HECTD4: variants seen among roughly 807,000 people sequenced by gnomAD.
HECTD4 encodes HECT domain E3 ubiquitin protein ligase 4, also known as probable E3 ubiquitin-protein ligase HECTD4.
Under a neutral mutation model 471.5 loss-of-function variants are expected in HECTD4, and 114 were observed. That is an observed-to-expected ratio of 0.24 (90% CI 0.21 to 0.28). The LOEUF (loss-of-function observed/expected upper bound fraction) is 0.28, where lower values mean the gene tolerates loss of function less well. HECTD4 is among the 10% of genes least tolerant of loss of function. The probability of loss-of-function intolerance (pLI) is 1.00; values close to 1 mark genes in which losing one functional copy is unlikely to be tolerated. For missense variants in HECTD4, 3,866 were observed against 5,651.5 expected (o/e 0.68, Z 10.13); for synonymous variants, 2,012 against 2,256.0 (o/e 0.89, Z 3.07).
At chr12:112,176,265 C>T (rs968356697) in intron 65 of HECTD4, among the ~76,000 whole-genome samples, 39 of 152,264 alleles carry the variant, frequency 2.6e-4, no homozygotes, top group African/African-American at 9.2e-4. Flanking sequence ...TAGAACAAAG[C>T]GTCCATGCAG....
chr12:112,367,837 A>C lies in HECTD4; in HGVS notation c.177+14115T>G, dbSNP rs948083471. The stretch of plus-strand genomic sequence containing the variant: ...CTCCATCTCAAAAAAAAAAAAAAAA[A>C]AAAAAAAAAAACGCTAACACGTCAT... On this transcript the variant is annotated intron_variant, in intron 1 of 75. Coordinates refer to ENST00000682272, the MANE Select transcript of HECTD4 (RefSeq NM_001388303.1). 2.1e-4 allele frequency among the ~76,000 whole-genome samples: 32 copies of C among 149,880 alleles called. 1 individual carries two copies. The highest frequency in any genetic ancestry group is 4.0e-4 in the Admixed American group (6 of 15,026).
At chr12:112,255,797 G>C (rs1277316196) in intron 21 of HECTD4, among the ~76,000 whole-genome samples, 1 of 151,980 alleles carries the variant, frequency 6.6e-6, no homozygotes, top group East Asian at 1.9e-4. Flanking sequence ...GCTTCCTTTC[G>C]TTCATAACTG....
chr12:112,251,208 C>T lies in HECTD4; in HGVS notation c.3553-74G>A, dbSNP rs1342326300. 2.1e-6 allele frequency: 3 copies of T among 1,435,582 alleles called. No individual in the cohort carries two copies. In the East Asian group the frequency reaches 6.8e-5, roughly 33 times the overall value. 88.9% of individuals were successfully genotyped at this position (1,435,582 alleles called of 1,614,324 possible). ...AGGCTGCTACCTGTGCTGCCCCACA[C>T]TGCACTGTCCCCAACCACAGGGTTC... On this transcript the variant is annotated intron_variant, in intron 23 of 75. Coordinates refer to ENST00000682272, the MANE Select transcript of HECTD4 (RefSeq NM_001388303.1).
intron 68 of HECTD4, 47 bp from the exon 69 acceptor site, chr12:112,170,499 C>T (rs1343609495): frequency 1.3e-6 from 2 of 1,598,382 alleles, no homozygotes; most frequent in Non-Finnish European, 1.7e-6. Context: ...TTTGTCCCTT[C>T]CTTCCCAGTC....
chr12:112,242,588 T>A (rs2033664286), intron 32 of HECTD4, among the ~76,000 whole-genome samples: 1 of 148,642 alleles, frequency 6.7e-6, no homozygotes, highest in East Asian at 2.0e-4. Context: ...CATGCCAGCC[T>A]GGGTGACAGA....
chr12:112,366,255 C>A (rs751881110), intron 1 of HECTD4, among the ~76,000 whole-genome samples: 1 of 152,116 alleles, frequency 6.6e-6, no homozygotes, highest in African/African-American at 2.4e-5. Context: ...CACATCTAAT[C>A]CCAGCACTTT....
intron 18 of HECTD4, among the ~76,000 whole-genome samples, chr12:112,260,668 C>A (rs2034125096): frequency 6.6e-6 from 1 of 151,912 alleles, no homozygotes; most frequent in African/African-American, 2.4e-5. Context: ...GCTCCGCCTC[C>A]CAGGTTCAGG....
chr12:112,245,853 C>T (rs1232341505), intron 29 of HECTD4, among the ~76,000 whole-genome samples: 5 of 152,084 alleles, frequency 3.3e-5, no homozygotes, highest in African/African-American at 7.2e-5. Context: ...TGACCTAGGC[C>T]GGGCGTGGTG....
At position 112,194,792 on chromosome 12, in the gene HECTD4, C is replaced by T; in HGVS notation, c.8749+93G>A. On this transcript the variant is annotated intron_variant, in intron 56 of 75. Transcript: ENST00000682272. The surrounding 1 kb of genome is among the most constrained non-coding windows in gnomAD (Gnocchi z 4.6). ...ACGTGAGCCTATGCGCACCATGAGGCATTTCTCGCCCTCATGCAGGGAATG... is the reference window on the plus strand; with the variant it reads ...ACGTGAGCCTATGCGCACCATGAGGTATTTCTCGCCCTCATGCAGGGAATG... 8.7e-7 allele frequency: 1 copy of T among 1,155,082 alleles called. No homozygotes were observed. 71.6% of individuals were successfully genotyped at this position (1,155,082 alleles called of 1,614,324 possible).
chr12:112,205,305 G>A (rs949594373), intron 52 of HECTD4, among the ~76,000 whole-genome samples: 1 of 151,750 alleles, frequency 6.6e-6, no homozygotes, highest in Non-Finnish European at 1.5e-5. Context: ...ATGGTAGCAG[G>A]TGCCTGTAAT....
intron 7 of HECTD4, among the ~76,000 whole-genome samples, chr12:112,291,389 T>C (rs1431793267): frequency 6.6e-6 from 1 of 152,190 alleles, no homozygotes; most frequent in Non-Finnish European, 1.5e-5. Context: ...GCAATAATTC[T>C]TGACATCATC....
rs911208217 is a variant in HECTD4 at position 112,173,027 on chromosome 12, G to C, written c.11595-166C>G. Among the ~76,000 whole-genome samples the C allele has an allele frequency of 6.6e-6, 1 of 152,164 alleles. No individual in the cohort carries two copies. Among genetic ancestry groups the C allele is most frequent in the Non-Finnish European group, 1.5e-5 (1 of 68,030 alleles). Reference sequence around the variant, plus strand: ...GCCTGGACAGCTCCTCATGGGGAAAGCTCTTTCAAAAGAAGCAAGCCAAGC... The same window carrying C: ...GCCTGGACAGCTCCTCATGGGGAAACCTCTTTCAAAAGAAGCAAGCCAAGC... On this transcript the variant is annotated intron_variant, in intron 66 of 75. Coordinates refer to ENST00000682272, the MANE Select transcript of HECTD4 (RefSeq NM_001388303.1). This position sits in a 1 kb window ranked among gnomAD's most constrained non-coding sequence, Gnocchi z 4.3.
chr12:112,256,474 T>G lies in HECTD4; in HGVS notation c.3173A>C (p.Lys1058Thr), dbSNP rs1440473625. Reference protein sequence around the residue: ...KEEPGFLTGLKIPAPWAAGKT... With the variant: ...KEEPGFLTGLTIPAPWAAGKT... ...TCCAGCAGCCCATGGGGCAGGAATC[T>G]TTAAACCAGTGAGAAATCCTGGCTC... The change falls in exon 21 of 76, where the codon AAG (lysine) becomes ACG (threonine). Residue 1058 changes from lysine to threonine, a missense_variant. This residue lies in a region of HECTD4 where 525 missense variants were observed against 672.6 expected (regional missense o/e 0.78). Transcript: ENST00000682272. 2 of 1,603,614 alleles carry G rather than the reference T, an allele frequency of 1.2e-6. No homozygotes were observed. The highest frequency in any genetic ancestry group is 1.7e-6 in the Non-Finnish European group (2 of 1,176,380).
chr12:112,225,465 G>C (rs1566078823), intron 44 of HECTD4, among the ~76,000 whole-genome samples: 1 of 151,980 alleles, frequency 6.6e-6, no homozygotes. Context: ...TTAGGGTCCA[G>C]TTATATCCTT....
chr12:112,255,569 G>A (rs1411276997), intron 21 of HECTD4, among the ~76,000 whole-genome samples: 1 of 152,146 alleles, frequency 6.6e-6, no homozygotes, highest in Non-Finnish European at 1.5e-5. Context: ...AGAATCCCCT[G>A]CTAGGATTTA....
intron 13 of HECTD4, among the ~76,000 whole-genome samples, chr12:112,268,115 C>T (rs1159119237): frequency 1.3e-5 from 2 of 152,200 alleles, no homozygotes; most frequent in East Asian, 1.9e-4. Flanking sequence ...TGAGCTAACA[C>T]ACTCAGCCTC....
chr12:112,378,973 C>T (rs1232571120), intron 1 of HECTD4, among the ~76,000 whole-genome samples: 8 of 151,750 alleles, frequency 5.3e-5, no homozygotes, highest in East Asian at 3.9e-4. Context: ...ACCCAGGAGG[C>T]GGAGCTTGCA....
At chr12:112,286,413 C>T (rs553555400) in intron 7 of HECTD4, among the ~76,000 whole-genome samples, 1 of 152,342 alleles carries the variant, frequency 6.6e-6, no homozygotes, top group Non-Finnish European at 1.5e-5. Flanking sequence ...GTGGTTCACA[C>T]CTGTAATCCC....
At chr12:112,361,339 G>A (rs12322865) in intron 1 of HECTD4, among the ~76,000 whole-genome samples, 57 of 152,028 alleles carry the variant, frequency 3.7e-4, no homozygotes, top group African/African-American at 1.3e-3. Context: ...TGAGTGCAGT[G>A]GTGCAATCAC....
Sources: allele counts gnomAD v4.1 joint callset (sites outside exome capture counted in the v4.1 genomes callset), GRCh38; gene constraint gnomAD v4.1.1; regional missense constraint gnomAD v4.1.1; non-coding constraint Gnocchi (gnomAD v3.1); transcripts MANE v1.5; gene names NCBI Gene and HGNC (gene_info 2026-07-23, HGNC 2026-07-21).